The following EHBP1L1 variants were observed in gnomAD, a reference collection of about 807,000 sequenced individuals.
The protein encoded by EHBP1L1 is EH domain binding protein 1 like 1, also known as EH domain-binding protein 1-like protein 1.
EHBP1L1 carries 122 observed loss-of-function variants against 151.1 expected under a neutral mutation model. The ratio of observed to expected loss-of-function variants is 0.81; its 90% CI spans 0.70 to 0.94. The LOEUF (loss-of-function observed/expected upper bound fraction) is 0.94. EHBP1L1 is among the 40% of genes least tolerant of loss of function. The pLI, the probability that EHBP1L1 is intolerant of heterozygous loss-of-function variation, is 0.00. For synonymous variants in EHBP1L1, 878 were observed against 810.1 expected (o/e 1.08, Z -1.42); for missense variants, 1,941 against 1,959.8 (o/e 0.99, Z 0.18).
chr11:65,577,685 C>G (rs533121870), intron 1 of EHBP1L1, among the ~76,000 whole-genome samples: 40 of 152,296 alleles, frequency 2.6e-4, no homozygotes, highest in Admixed American at 2.1e-3. Flanking sequence ...CTAGGCACCC[C>G]CTGTCCGCTT....
chr11:65,588,183 A>AG (rs558727523), intron 12 of EHBP1L1, among the ~76,000 whole-genome samples: 209 of 151,900 alleles, frequency 1.4e-3, no homozygotes, highest in Middle Eastern at 0.01. Flanking sequence ...GGGCCCCGGC[A>AG]GGGGGGTCTC....
rs1857858395 is a variant in EHBP1L1 at position 65,584,945 on chromosome 11, C to T, written c.3301-14C>T. 5.9e-6 allele frequency: 9 copies of T among 1,532,776 alleles called. No homozygotes were observed. Among genetic ancestry groups the T allele is most frequent in the Non-Finnish European group, 5.2e-6 (6 of 1,145,538 alleles). The allele number at this position is 1,532,776 out of a possible 1,614,324, so 94.9% of individuals were successfully genotyped here. A position where few individuals can be genotyped will look rare whatever the true frequency, so the allele number is the denominator to read the frequency against. ...CCACCGCCGCCGCTGACCCCGAGTG[C>T]ACCCTTCCCCTAGGCCTTCGATGGC... On this transcript the variant is annotated splice_polypyrimidine_tract_variant and intron_variant, in intron 11 of 18. Coordinates refer to ENST00000309295, the MANE Select transcript of EHBP1L1 (RefSeq NM_001099409.3).
chr11:65,581,452 G>C (rs965782643), intron 8 of EHBP1L1, 79 bp downstream of exon 8: 151 of 1,431,220 alleles, frequency 1.1e-4, no homozygotes, highest in Non-Finnish European at 1.3e-4. Flanking sequence ...CCTGCCTCCA[G>C]GGCCCCAACA....
Position 65,590,204 on chromosome 11 carries a change from G to T in EHBP1L1, c.4177G>T (p.Glu1393Ter). The change falls in exon 15 of 19, where the codon GAG becomes TAG. Residue 1393 changes from glutamate (E) to a stop codon, truncating the protein, a stop_gained. Coordinates refer to ENST00000309295, the MANE Select transcript of EHBP1L1 (RefSeq NM_001099409.3). LOFTEE classifies it high-confidence loss of function. ...EVEMQLRSLM[E>*]SGANKLQEEV... ...GGAGATGCAGCTGAGGAGCCTCATG[G>T]AGTCAGGTGGGGCATACATCTAGGG... The T allele has an allele frequency of 6.2e-7, 1 of 1,613,290 alleles. No homozygotes were observed. The highest frequency in any genetic ancestry group is 8.5e-7 in the Non-Finnish European group (1 of 1,179,692).
At chr11:65,577,778 G>A (rs1318420003) in intron 1 of EHBP1L1, among the ~76,000 whole-genome samples, 3 of 152,224 alleles carry the variant, frequency 2.0e-5, no homozygotes, top group Non-Finnish European at 4.4e-5. Context: ...TTGGCTCTGG[G>A]TTGGAGGGCT....
In EHBP1L1 at chr11:65,580,172, T is replaced by G; in HGVS notation, c.404T>G (p.Leu135Arg). Residue 135 changes from leucine to arginine, a missense_variant, in exon 5 of 19, where the codon CTG (leucine) becomes CGG (arginine). By Grantham distance (102) the Leu-to-Arg change is moderately radical. Transcript: ENST00000309295. ...GTGCCTGTCCAAGTCCCAGTGAGGC[T>G]GCGGCTGAAGCCAAAGTCAGTGAAG... ...GPVPVQVPVR[L>R]RLKPKSVKVV... 6.2e-7 allele frequency: 1 copy of G among 1,613,674 alleles called. No individual in the cohort carries two copies. Among genetic ancestry groups the G allele is most frequent in the Non-Finnish European group, 8.5e-7 (1 of 1,179,850 alleles).
chr11:65,580,518 C>T, intron 6 of EHBP1L1, 39 bp downstream of exon 6: 3 of 1,595,404 alleles, frequency 1.9e-6, no homozygotes, highest in Non-Finnish European at 2.6e-6. Flanking sequence ...ACTGCCAAGA[C>T]CTGGGGAGGG....
chr11:65,590,420 C>T (rs1217575173), intron 15 of EHBP1L1, 73 bp from the exon 16 acceptor site: 2 of 1,549,764 alleles, frequency 1.3e-6, no homozygotes, highest in East Asian at 2.3e-5. Flanking sequence ...CAAACCCCCT[C>T]CCCCAACCCC....
At chr11:65,580,504 C>T (rs1857545373) in intron 6 of EHBP1L1, 25 bp downstream of exon 6, 4 of 1,604,436 alleles carry the variant, frequency 2.5e-6, no homozygotes, top group African/African-American at 2.7e-5. Flanking sequence ...TGCTGTGGAT[C>T]GAGACTGCCA....
In EHBP1L1 at chr11:65,582,653, T is replaced by C. The variant is rs746690130; in HGVS notation, c.1981T>C (p.Ser661Pro). 8 of 1,613,510 alleles carry C rather than the reference T, an allele frequency of 5.0e-6. No individual in the cohort carries two copies. The highest frequency in any genetic ancestry group is 2.7e-5 in the African/African-American group (2 of 74,968). ...LGTQKTEAGGSGVLQTRTTIA... is the reference protein window; with the variant it reads ...LGTQKTEAGGPGVLQTRTTIA... ...GACCCAGAAAACAGAAGCTGGGGGT[T>C]CAGGAGTTTTGCAGACAAGAACTAC... Residue 661 changes from serine to proline, a missense_variant, in exon 9 of 19, where the codon TCA becomes CCA. Transcript: ENST00000309295.
rs758852638 is a variant in EHBP1L1, at chr11:65,585,399, C to T, written c.3741C>T (p.Gly1247=). ...EGLVNGAGAP[G]GGGVRLRRPS... is the part of the protein sequence containing the mutation. ...TGGTGAACGGGGCGGGGGCACCGGGCGGCGGCGGCGTGAGGCTGCGACGGC... is the reference window on the plus strand; with the variant it reads ...TGGTGAACGGGGCGGGGGCACCGGGTGGCGGCGGCGTGAGGCTGCGACGGC... Residue 1247 remains glycine, a synonymous_variant, in exon 12 of 19, where the codon GGC becomes GGT. Transcript: ENST00000309295. This position sits in a 1 kb window ranked among gnomAD's most constrained non-coding sequence, Gnocchi z 4.0. 22 of 1,335,530 alleles carry T rather than the reference C, an allele frequency of 1.6e-5. No homozygotes were observed. The South Asian group carries it at 2.9e-4, about 18-fold the overall frequency. The allele number at this position is 1,335,530 out of a possible 1,614,324, so 82.7% of individuals were successfully genotyped here.
In EHBP1L1 at chr11:65,584,413, G is replaced by T; in HGVS notation, c.3251+15G>T. 1 of 1,613,438 alleles carries T rather than the reference G, an allele frequency of 6.2e-7. No individual in the cohort carries two copies. ...CCAGACAAGATGTGAGCTGCCAGAG[G>T]GGTGGGAACGAATGGGGGAGCCATC... On this transcript the variant is annotated intron_variant, in intron 10 of 18. Transcript: ENST00000309295.
At chr11:65,583,795 C>T (rs760125371) in intron 9 of EHBP1L1, 30 bp downstream of exon 9, 32 of 1,452,542 alleles carry the variant, frequency 2.2e-5, no homozygotes, top group African/African-American at 2.9e-5. Context: ...AGGGCCCAGT[C>T]TGCTGCTTCC....
rs917968886 is a variant in EHBP1L1, at chr11:65,584,493, G to T, written c.3259G>T (p.Ala1087Ser). 2 of 1,613,108 alleles carry T rather than the reference G, an allele frequency of 1.2e-6. No homozygotes were observed. The highest frequency in any genetic ancestry group is 2.7e-5 in the African/African-American group (2 of 74,938). ...HRFYPDKIDY[A>S]SLDPLNIKQN... The stretch of plus-strand genomic sequence containing the variant: ...CCAGCACACTCTCTGCAGTGACTAT[G>T]CCTCGCTAGACCCACTCAACATCAA... The change falls in exon 11 of 19, where the codon GCC (alanine) becomes TCC (serine). Residue 1087 changes from alanine (A) to serine (S), a missense_variant. Physicochemically the swap from Ala to Ser is moderately conservative, Grantham distance 99. Transcript: ENST00000309295.
chr11:65,578,941 C>T (rs1448048403), intron 1 of EHBP1L1, 137 bp from the exon 2 acceptor site: 12 of 839,636 alleles, frequency 1.4e-5, no homozygotes, highest in Non-Finnish European at 2.1e-5. Flanking sequence ...GCTGCCCAGG[C>T]CCTCTTCTGG....
Position 65,582,154 on chromosome 11 carries a change from C to T in EHBP1L1, c.1482C>T (p.Asp494=), listed in dbSNP as rs372365243. ...EPAGHSGQLG[D]LEGARAAAGQ... ...CAGGGCACTCTGGGCAACTTGGTGA[C>T]CTCGAGGGGGCCAGGGCTGCTGCAG... The change falls in exon 9 of 19, where the codon GAC becomes GAT. Residue 494 remains aspartate, a synonymous_variant. Transcript: ENST00000309295. 301 of 1,584,596 alleles carry T rather than the reference C, an allele frequency of 1.9e-4. No homozygotes were observed. Among genetic ancestry groups the T allele is most frequent in the Middle Eastern group, 8.5e-4 (5 of 5,882 alleles).
rs754919584 is a variant in EHBP1L1, at chr11:65,582,000, CAG to C, written c.1329_1330del (p.Val445AspfsTer3). 8.7e-6 allele frequency: 14 copies of C among 1,613,772 alleles called. No homozygotes were observed. The East Asian group carries it at 2.0e-4, about 23-fold the overall frequency. Reference sequence around the variant, plus strand: ...GTGGACACTAAGGGACCAGAGGCGACAGGGGTGATGCCTGAGGCAAGATGCAG... The same window carrying C: ...GTGGACACTAAGGGACCAGAGGCGACGGGTGATGCCTGAGGCAAGATGCAG... On this transcript the variant is annotated frameshift_variant, in exon 9 of 19. Coordinates refer to ENST00000309295, the MANE Select transcript of EHBP1L1 (RefSeq NM_001099409.3). LOFTEE classifies it high-confidence loss of function.
Position 65,582,620 on chromosome 11 carries a change from G to A in EHBP1L1, c.1948G>A (p.Val650Ile). ...VIETPGTETEVLGTQKTEAGG... is the reference protein window; with the variant it reads ...VIETPGTETEILGTQKTEAGG... ...AGAGACCCCAGGGACAGAGACTGAG[G>A]TATTGGGGACCCAGAAAACAGAAGC... The change falls in exon 9 of 19, where the codon GTA (valine) becomes ATA (isoleucine). Residue 650 changes from valine (V) to isoleucine (I), a missense_variant. Transcript: ENST00000309295. 3 of 1,613,572 alleles carry A rather than the reference G, an allele frequency of 1.9e-6. No individual in the cohort carries two copies. The highest frequency in any genetic ancestry group is 2.5e-6 in the Non-Finnish European group (3 of 1,179,860).
intron 3 of EHBP1L1, 115 bp downstream of exon 3, chr11:65,579,551 A>G (rs1341060095): frequency 1.1e-6 from 1 of 896,940 alleles, no homozygotes; most frequent in Non-Finnish European, 1.6e-6. Flanking sequence ...GCGGGGGGTG[A>G]GGCCAAGAAT....
Sources: allele counts gnomAD v4.1 joint callset (sites outside exome capture counted in the v4.1 genomes callset), GRCh38; gene constraint gnomAD v4.1.1; non-coding constraint Gnocchi (gnomAD v3.1); transcripts MANE v1.5; gene names NCBI Gene and HGNC (gene_info 2026-07-23, HGNC 2026-07-21).